SV2C: variants seen among roughly 807,000 people sequenced by gnomAD.
SV2C encodes synaptic vesicle glycoprotein 2C, also known as solute carrier family 22 member B3.
Under a neutral mutation model 79.7 loss-of-function variants are expected in SV2C, and 49 were observed. The ratio of observed to expected loss-of-function variants is 0.61; its 90% CI spans 0.49 to 0.78. The LOEUF (loss-of-function observed/expected upper bound fraction) is 0.78. SV2C is among the 30% of genes least tolerant of loss of function. The pLI is 0.00. For missense variants in SV2C, 833 were observed against 912.9 expected (o/e 0.91, Z 1.13); for synonymous variants, 334 against 333.2 (o/e 1.00, Z -0.03).
chr5:75,935,663 G>A, the SV2C span, among the ~76,000 whole-genome samples: 1 of 152,156 alleles, frequency 6.6e-6, no homozygotes. Context: ...GATTGAAAAA[G>A]CAAGTTGCGA....
At chr5:75,992,886 A>G in the SV2C span, among the ~76,000 whole-genome samples, 1 of 152,058 alleles carries the variant, frequency 6.6e-6, no homozygotes, top group Non-Finnish European at 1.5e-5. Flanking sequence ...ACTTACTGAC[A>G]TATGTCCCAG....
intron 1 of SV2C, among the ~76,000 whole-genome samples, chr5:76,110,272 A>G (rs1404391729): frequency 1.3e-5 from 2 of 152,212 alleles, no homozygotes; most frequent in East Asian, 3.8e-4. Context: ...GCAGAAAAAA[A>G]AACTTTTACC....
chr5:76,031,406 C>T, the SV2C span, among the ~76,000 whole-genome samples: 3 of 151,698 alleles, frequency 2.0e-5, no homozygotes, highest in African/African-American at 4.9e-5. Context: ...TGCTGGCTGT[C>T]GCTGGAGCAG....
At chr5:76,001,258 G>A in the SV2C span, among the ~76,000 whole-genome samples, 2 of 152,120 alleles carry the variant, frequency 1.3e-5, no homozygotes, top group African/African-American at 2.4e-5. Flanking sequence ...GGCTCAGAGG[G>A]CTAGAAGAAA....
At chr5:75,940,965 G>T in the SV2C span, among the ~76,000 whole-genome samples, 1 of 152,088 alleles carries the variant, frequency 6.6e-6, no homozygotes, top group Non-Finnish European at 1.5e-5. Context: ...TTAATTTATT[G>T]GTTTGGTGAA....
the SV2C span, among the ~76,000 whole-genome samples, chr5:75,986,750 A>T: frequency 2.0e-5 from 3 of 151,916 alleles, no homozygotes; most frequent in African/African-American, 7.3e-5. Context: ...GCTGGGATAC[A>T]TGTCTCCGTG....
intron 2 of SV2C, chr5:76,170,892 A>AGTCGCGGCGCTGACGCCCGCGG (rs1743207633): frequency 5.1e-6 from 2 of 394,862 alleles, no homozygotes; most frequent in African/African-American, 4.9e-5. Flanking sequence ...GAGCCGGGAC[A>AGTCGCGGCGCTGACGCCCGCGG]GTCGCGGCGC....
the SV2C span, among the ~76,000 whole-genome samples, chr5:75,898,421 C>T: frequency 6.6e-6 from 1 of 152,184 alleles, no homozygotes; most frequent in African/African-American, 2.4e-5. Flanking sequence ...ATGAAGCCCA[C>T]TTGATCATGG....
chr5:76,163,017 A>G (rs1161686146), intron 2 of SV2C, among the ~76,000 whole-genome samples: 1 of 152,166 alleles, frequency 6.6e-6, no homozygotes, highest in East Asian at 1.9e-4. Context: ...CAGAATTCAG[A>G]GGAATCCAGT....
At chr5:75,860,407 A>G in the SV2C span, among the ~76,000 whole-genome samples, 25 of 152,252 alleles carry the variant, frequency 1.6e-4, no homozygotes, top group Non-Finnish European at 2.9e-5. Context: ...TACTGCAATG[A>G]GAACTACAGA....
At chr5:76,225,374 C>T (rs1387951915) in intron 4 of SV2C, among the ~76,000 whole-genome samples, 2 of 152,220 alleles carry the variant, frequency 1.3e-5, no homozygotes, top group African/African-American at 4.8e-5. Context: ...GCTGTGCTGT[C>T]TGTCACACCA....
intron 4 of SV2C, among the ~76,000 whole-genome samples, chr5:76,278,836 T>G (rs1747097835): frequency 6.6e-6 from 1 of 152,208 alleles, no homozygotes; most frequent in Non-Finnish European, 1.5e-5. Flanking sequence ...TGAAGTGACC[T>G]TATTGACATT....
the SV2C span, among the ~76,000 whole-genome samples, chr5:75,997,317 A>T: frequency 6.6e-6 from 1 of 152,200 alleles, no homozygotes; most frequent in Admixed American, 6.5e-5. Context: ...AGCAATGGAC[A>T]ACAAAAGCCA....
downstream of SV2C, among the ~76,000 whole-genome samples, chr5:76,334,762 C>T (rs533055022): frequency 1.2e-4 from 18 of 152,332 alleles, no homozygotes; most frequent in East Asian, 3.5e-3. Context: ...GCATCATCTG[C>T]CAACTCCTAA....
chr5:75,962,545 T>C, the SV2C span, among the ~76,000 whole-genome samples: 1 of 152,146 alleles, frequency 6.6e-6, no homozygotes, highest in South Asian at 2.1e-4. Flanking sequence ...ATGTTTGCTT[T>C]CTTCTGTACT....
rs372569739 is a variant in SV2C, at chr5:76,142,903, C to CTTTTTTTTT, written c.580+10574_580+10582dup. Among the ~76,000 whole-genome samples, 35 of 134,662 alleles carry CTTTTTTTTT rather than the reference C, an allele frequency of 2.6e-4. 2 individuals are homozygous for CTTTTTTTTT. The highest frequency in any genetic ancestry group is 3.3e-4 in the Non-Finnish European group (20 of 61,234). The allele number at this position is 134,662 out of a possible 152,430, so 88.3% of individuals were successfully genotyped here. Reference sequence around the variant, plus strand: ...GGTATCTCTTCAACTTTTTCTTTTCCTTTTTTTTTGAGACGGAGTCTTGCT... The same window carrying CTTTTTTTTT: ...GGTATCTCTTCAACTTTTTCTTTTCCTTTTTTTTTTTTTTTTTTGAGACGGAGTCTTGCT... On this transcript the variant is annotated intron_variant, in intron 2 of 12. Coordinates refer to ENST00000502798, the MANE Select transcript of SV2C (RefSeq NM_014979.4).
the SV2C span, among the ~76,000 whole-genome samples, chr5:75,902,764 A>G: frequency 1.3e-5 from 2 of 152,236 alleles, no homozygotes; most frequent in Admixed American, 1.3e-4. Flanking sequence ...TGGGATTTGC[A>G]TAAAGTTGAT....
chr5:76,334,243 T>C (rs1035581940), downstream of SV2C, among the ~76,000 whole-genome samples: 2 of 152,198 alleles, frequency 1.3e-5, no homozygotes, highest in Admixed American at 6.5e-5. Context: ...CAGATTTTTA[T>C]TTAGCATATT....
At chr5:75,881,448 T>G in the SV2C span, among the ~76,000 whole-genome samples, 2 of 152,136 alleles carry the variant, frequency 1.3e-5, no homozygotes, top group Non-Finnish European at 2.9e-5. Context: ...TATATGTTTA[T>G]GAAGGTTTTT....
Sources: gnomAD v4.1 joint callset for allele counts (sites outside exome capture counted in the v4.1 genomes callset) on GRCh38, gnomAD v4.1.1 for gene constraint, MANE v1.5 for transcripts, NCBI Gene and HGNC (gene_info 2026-07-23, HGNC 2026-07-21) for gene names.